ASIC2: variants seen among roughly 807,000 people sequenced by gnomAD.
ASIC2 encodes acid-sensing ion channel 2.
In ASIC2, 25 loss-of-function variants were observed where a neutral mutation model predicts 57.3. The ratio of observed to expected loss-of-function variants is 0.44; its 90% CI spans 0.32 to 0.61. The LOEUF (loss-of-function observed/expected upper bound fraction) is 0.61, where lower values mean the gene tolerates loss of function less well. Ranked by LOEUF, ASIC2 falls within the 20% of genes least tolerant of loss-of-function variation. The pLI is 0.06. For missense variants in ASIC2, 641 were observed against 738.1 expected (o/e 0.87, Z 1.52); for synonymous variants, 319 against 307.5 (o/e 1.04, Z -0.39).
At chr17:33,963,211 C>G (rs1026077067) in intron 1 of ASIC2, among the ~76,000 whole-genome samples, 6 of 152,152 alleles carry the variant, frequency 3.9e-5, no homozygotes, top group African/African-American at 1.2e-4. Context: ...TTCTACCAAC[C>G]CTCTTCCCAT....
chr17:33,810,396 T>G (rs1032320847), intron 1 of ASIC2, among the ~76,000 whole-genome samples: 1 of 152,186 alleles, frequency 6.6e-6, no homozygotes, highest in Non-Finnish European at 1.5e-5. Context: ...CAACACTAAT[T>G]ATGTCAGAAT....
At chr17:33,711,038 A>T (rs898548953) in intron 1 of ASIC2, among the ~76,000 whole-genome samples, 3 of 151,836 alleles carry the variant, frequency 2.0e-5, no homozygotes, top group African/African-American at 7.3e-5. Flanking sequence ...GCAGCCTCCA[A>T]CTCCTGGTCT....
chr17:33,241,367 G>A (rs1908501836), intron 1 of ASIC2, among the ~76,000 whole-genome samples: 1 of 152,210 alleles, frequency 6.6e-6, no homozygotes, highest in Non-Finnish European at 1.5e-5. Flanking sequence ...CGTGGTGGGA[G>A]TTCCATTCAT....
At chr17:33,177,206 T>C (rs1287331866) in intron 1 of ASIC2, among the ~76,000 whole-genome samples, 2 of 152,222 alleles carry the variant, frequency 1.3e-5, no homozygotes, top group Non-Finnish European at 2.9e-5. Flanking sequence ...TGTGTTCCAC[T>C]GGCCTCTGAT....
chr17:33,062,253 TA>T lies in ASIC2; in HGVS notation c.987+26609del, dbSNP rs1206777028. 1.4e-4 allele frequency among the ~76,000 whole-genome samples: 22 copies of T among 152,310 alleles called. No individual in the cohort carries two copies. The South Asian group carries it at 3.3e-3, about 23-fold the overall frequency. Reference sequence around the variant, plus strand: ...TCTCTAGTTCTTTTAATTGTGATGTTAGGGTGTCAATTTTAGATCTTTCCTG... The same window carrying T: ...TCTCTAGTTCTTTTAATTGTGATGTTGGGTGTCAATTTTAGATCTTTCCTG... On this transcript the variant is annotated intron_variant, in intron 3 of 9. Coordinates refer to ENST00000225823, the MANE Select transcript of ASIC2 (RefSeq NM_183377.2).
intron 1 of ASIC2, among the ~76,000 whole-genome samples, chr17:33,551,073 G>A (rs1915736948): frequency 6.6e-6 from 1 of 152,094 alleles, no homozygotes; most frequent in South Asian, 2.1e-4. Context: ...TTTATCTTAA[G>A]CTCACTGCAG....
At position 33,172,087 on chromosome 17, in the gene ASIC2, G is replaced by A. The variant is rs114105904; in HGVS notation, c.709-60020C>T. 6.1e-3 allele frequency among the ~76,000 whole-genome samples: 935 copies of A among 152,318 alleles called. 5 individuals carry two copies. The highest frequency in any genetic ancestry group is 0.021 in the African/African-American group (893 of 41,580). The stretch of plus-strand genomic sequence containing the variant: ...TCCTCCACCAAGTTTGAAACTGAAT[G>A]ATAGGAAGGAGCAGTGAATCTGTTT... On this transcript the variant is annotated intron_variant, in intron 1 of 9. Transcript: ENST00000225823.
At chr17:33,722,990 C>G (rs954397652) in intron 1 of ASIC2, among the ~76,000 whole-genome samples, 3 of 152,162 alleles carry the variant, frequency 2.0e-5, no homozygotes, top group Non-Finnish European at 4.4e-5. Flanking sequence ...TAAAACCACA[C>G]TGGAAAACTG....
intron 1 of ASIC2, among the ~76,000 whole-genome samples, chr17:33,396,351 C>A (rs1910076732): frequency 6.6e-6 from 1 of 152,156 alleles, no homozygotes. Flanking sequence ...AGACAAGGAT[C>A]AAAATATCAC....
intron 2 of ASIC2, among the ~76,000 whole-genome samples, chr17:33,091,943 C>A (rs2092159171): frequency 6.6e-6 from 1 of 152,182 alleles, no homozygotes; most frequent in African/African-American, 2.4e-5. Flanking sequence ...TTAATTAAAA[C>A]TTAAGTTTAA....
At chr17:33,935,571 G>A (rs986560500) in intron 1 of ASIC2, 1 of 152,118 alleles carries the variant, frequency 6.6e-6, no homozygotes, top group African/African-American at 2.4e-5. Flanking sequence ...ACCATCCATG[G>A]TGCCAAGCCC....
At chr17:33,105,315 G>T (rs1476207392) in intron 2 of ASIC2, among the ~76,000 whole-genome samples, 1 of 152,158 alleles carries the variant, frequency 6.6e-6, no homozygotes, top group Non-Finnish European at 1.5e-5. Flanking sequence ...GAGATCTGAC[G>T]GTTTCATGAA....
chr17:34,064,404 G>A (rs1909090005), intron 1 of ASIC2, among the ~76,000 whole-genome samples: 1 of 152,122 alleles, frequency 6.6e-6, no homozygotes, highest in Admixed American at 6.5e-5. Context: ...TTAAACCTAA[G>A]ACCTGAAACT....
intron 1 of ASIC2, among the ~76,000 whole-genome samples, chr17:33,540,202 T>C (rs888182797): frequency 2.0e-5 from 3 of 152,184 alleles, no homozygotes; most frequent in Non-Finnish European, 4.4e-5. Context: ...GTTGTGGATG[T>C]CATTTTCTGT....
intron 1 of ASIC2, among the ~76,000 whole-genome samples, chr17:34,064,746 G>T (rs1299696946): frequency 2.0e-5 from 3 of 152,074 alleles, no homozygotes; most frequent in Non-Finnish European, 2.9e-5. Context: ...CTCAAAAGAA[G>T]ATACACAAAT....
At chr17:33,148,163 G>A (rs531360502) in intron 1 of ASIC2, among the ~76,000 whole-genome samples, 9 of 152,324 alleles carry the variant, frequency 5.9e-5, no homozygotes, top group Non-Finnish European at 8.8e-5. Context: ...CTTCTGTGCC[G>A]TTTCATCTGT....
At chr17:33,407,991 A>G (rs1910527500) in intron 1 of ASIC2, among the ~76,000 whole-genome samples, 1 of 151,902 alleles carries the variant, frequency 6.6e-6, no homozygotes, top group African/African-American at 2.4e-5. Context: ...GTGGGGAGGC[A>G]TTTGGGGCCA....
intron 1 of ASIC2, among the ~76,000 whole-genome samples, chr17:33,382,685 T>C (rs1909532621): frequency 6.6e-6 from 1 of 152,224 alleles, no homozygotes; most frequent in South Asian, 2.1e-4. Flanking sequence ...AGGAGGATAT[T>C]GAGGATCAGA....
intron 1 of ASIC2, among the ~76,000 whole-genome samples, chr17:34,082,557 AC>A (rs1909927969): frequency 6.6e-6 from 1 of 152,198 alleles, no homozygotes; most frequent in South Asian, 2.1e-4. Flanking sequence ...TAAAAATACT[AC>A]CAAAGGCCAG....
Sources: allele counts gnomAD v4.1 joint callset (sites outside exome capture counted in the v4.1 genomes callset), GRCh38; gene constraint gnomAD v4.1.1; transcripts MANE v1.5; gene names NCBI Gene and HGNC (gene_info 2026-07-23, HGNC 2026-07-21).